GFRA2: variants seen among roughly 807,000 people sequenced by gnomAD.
GFRA2 encodes GDNF family receptor alpha 2.
GFRA2 carries 17 observed loss-of-function variants against 48.3 expected under a neutral mutation model. The ratio of observed to expected loss-of-function variants is 0.35; its 90% CI spans 0.24 to 0.53. GFRA2 has a LOEUF of 0.53. Ranked by LOEUF, GFRA2 falls within the 20% of genes least tolerant of loss-of-function variation. The pLI is 0.93. For missense variants in GFRA2, 660 were observed against 637.3 expected (o/e 1.04, Z -0.38); for synonymous variants, 305 against 257.2 (o/e 1.19, Z -1.78).
chr8:21,710,745 G>C (rs71513834), intron 4 of GFRA2, among the ~76,000 whole-genome samples: 3,642 of 152,338 alleles, frequency 0.024, 53 homozygotes, highest in Middle Eastern at 0.058. Context: ...GCAAACGGAG[G>C]GGGAGAACAC....
chr8:21,729,045 C>G (rs550406884), intron 4 of GFRA2, among the ~76,000 whole-genome samples: 2 of 152,196 alleles, frequency 1.3e-5, no homozygotes, highest in Admixed American at 6.5e-5. Context: ...CAGAGCAGGA[C>G]GGGGCCAACC....
intron 3 of GFRA2, among the ~76,000 whole-genome samples, 167 bp downstream of exon 3, chr8:21,774,805 G>A (rs1319816080): frequency 2.0e-5 from 3 of 152,316 alleles, no homozygotes; most frequent in South Asian, 2.1e-4. Context: ...GGTGGGCATC[G>A]TGTTCTTTAC....
chr8:21,796,918 T>C (rs1471177404), intron 2 of GFRA2, among the ~76,000 whole-genome samples: 1 of 152,312 alleles, frequency 6.6e-6, no homozygotes, highest in Non-Finnish European at 1.5e-5. Flanking sequence ...GGTGCTTTTT[T>C]CTGCAAGTTT....
At chr8:21,755,475 T>C (rs1805522663) in intron 3 of GFRA2, among the ~76,000 whole-genome samples, 1 of 152,188 alleles carries the variant, frequency 6.6e-6, no homozygotes, top group African/African-American at 2.4e-5. Flanking sequence ...TCCATTAATA[T>C]ATCTTTAATG....
chr8:21,759,485 AGAAGGAAGGAAGGAAGGAAG>A (rs1161834899), intron 3 of GFRA2, among the ~76,000 whole-genome samples: 37 of 71,798 alleles, frequency 5.2e-4, no homozygotes, highest in Admixed American at 5.3e-4. Context: ...AAAGAAGGAA[AGAAGGAAGGAAGGAAGGAAG>A]GAAGGAAGGA....
chr8:21,747,227 C>A (rs1008686437), intron 4 of GFRA2, among the ~76,000 whole-genome samples: 1 of 152,104 alleles, frequency 6.6e-6, no homozygotes, highest in African/African-American at 2.4e-5. Context: ...GAAGAAGAAG[C>A]GAATGTGTCT....
chr8:21,803,362 TGGAATG>T (rs1439407090), intron 2 of GFRA2, among the ~76,000 whole-genome samples: 17 of 152,186 alleles, frequency 1.1e-4, no homozygotes, highest in African/African-American at 4.1e-4. Flanking sequence ...TGAGGAAACA[TGGAATG>T]TCTGGTGAGC....
At chr8:21,724,837 G>A (rs1219365995) in intron 4 of GFRA2, among the ~76,000 whole-genome samples, 1 of 152,172 alleles carries the variant, frequency 6.6e-6, no homozygotes, top group Non-Finnish European at 1.5e-5. Flanking sequence ...GTAGCACAGG[G>A]AATGGCATCA....
intron 4 of GFRA2, among the ~76,000 whole-genome samples, chr8:21,738,562 C>T (rs544558832): frequency 6.6e-5 from 10 of 152,270 alleles, no homozygotes; most frequent in Non-Finnish European, 1.3e-4. Flanking sequence ...GGCTCCCCAC[C>T]GTCTTCTGGG....
At chr8:21,698,801 C>T (rs1349691185) in intron 7 of GFRA2, among the ~76,000 whole-genome samples, 1 of 151,754 alleles carries the variant, frequency 6.6e-6, no homozygotes, top group African/African-American at 2.4e-5. Flanking sequence ...GACCCCCACT[C>T]AGCACAGCAG....
chr8:21,703,297 GGGC>G (rs1370436282), intron 6 of GFRA2, among the ~76,000 whole-genome samples: 9 of 152,022 alleles, frequency 5.9e-5, no homozygotes, highest in Non-Finnish European at 1.3e-4. Flanking sequence ...GGGGAGGAGG[GGGC>G]CACCTCCTCT....
chr8:21,799,261 A>G (rs371952279), intron 2 of GFRA2, among the ~76,000 whole-genome samples: 270 of 149,204 alleles, frequency 1.8e-3, no homozygotes, highest in African/African-American at 6.4e-3. Context: ...TCTGTCACCC[A>G]GGCTGGAGTG....
intron 3 of GFRA2, among the ~76,000 whole-genome samples, chr8:21,770,063 T>C (rs1806370900): frequency 2.6e-5 from 4 of 152,216 alleles, no homozygotes; most frequent in Non-Finnish European, 5.9e-5. Context: ...TATCTGTCCC[T>C]GTCACAGCAT....
chr8:21,786,693 CCTTGGG>C (rs1278820335), intron 1 of GFRA2, among the ~76,000 whole-genome samples: 2 of 152,178 alleles, frequency 1.3e-5, no homozygotes, highest in Non-Finnish European at 1.5e-5. Context: ...GGACTTGCCC[CCTTGGG>C]GACTCGCACC....
At chr8:21,769,413 G>A (rs956286308) in intron 3 of GFRA2, among the ~76,000 whole-genome samples, 44 of 152,282 alleles carry the variant, frequency 2.9e-4, no homozygotes, top group Admixed American at 1.8e-3. Flanking sequence ...TCCAGTCAGC[G>A]AACGGTGATA....
At chr8:21,803,318 T>C (rs1351366871) in intron 2 of GFRA2, among the ~76,000 whole-genome samples, 1 of 152,202 alleles carries the variant, frequency 6.6e-6, no homozygotes, top group African/African-American at 2.4e-5. Context: ...ACCAATTACA[T>C]GCTCCTGTCT....
intron 3 of GFRA2, among the ~76,000 whole-genome samples, chr8:21,774,041 C>T (rs979184680): frequency 6.6e-6 from 1 of 152,176 alleles, no homozygotes; most frequent in East Asian, 1.9e-4. Flanking sequence ...CAGACTGCCA[C>T]AAAACTGCAT....
intron 4 of GFRA2, among the ~76,000 whole-genome samples, chr8:21,714,246 C>CTTTGTT (rs1803218184): frequency 1.3e-5 from 1 of 78,400 alleles, no homozygotes; most frequent in African/African-American, 5.2e-5. Context: ...GTCTGAAGTT[C>CTTTGTT]TTTTTTTTTT....
intron 4 of GFRA2, among the ~76,000 whole-genome samples, chr8:21,735,410 C>T (rs1044356530): frequency 5.9e-5 from 9 of 151,898 alleles, no homozygotes; most frequent in African/African-American, 1.9e-4. Flanking sequence ...TTGCTATGCA[C>T]CATAATACCA....
Sources: allele counts gnomAD v4.1 joint callset (sites outside exome capture counted in the v4.1 genomes callset), GRCh38; gene constraint gnomAD v4.1.1; transcripts MANE v1.5; gene names NCBI Gene and HGNC (gene_info 2026-07-23, HGNC 2026-07-21).